GAS7: variants seen among roughly 807,000 people sequenced by gnomAD.
GAS7 encodes growth arrest-specific protein 7.
A neutral mutation model predicts 71.1 loss-of-function variants in GAS7; 28 were observed. That is an observed-to-expected ratio of 0.39 (90% confidence interval 0.29 to 0.54). The LOEUF is 0.54. Among genes scored for constraint, GAS7 ranks in the 20% least tolerant of loss-of-function variants. The probability of loss-of-function intolerance (pLI) is 0.62; values close to 1 mark genes in which losing one functional copy is unlikely to be tolerated. For synonymous variants in GAS7, 258 were observed against 245.8 expected, an observed-to-expected ratio of 1.05 and a Z score of -0.46; for missense variants, 436 against 627.8, an observed-to-expected ratio of 0.69 and a Z score of 3.27.
At chr17:10,147,054 G>A (rs1032861678) in intron 1 of GAS7, among the ~76,000 whole-genome samples, 6 of 152,032 alleles carry the variant, frequency 3.9e-5, no homozygotes, top group South Asian at 2.1e-4. Flanking sequence ...GTGGGCATTC[G>A]AAATTGAGAT....
At position 10,046,845 on chromosome 17, in the gene GAS7, GA is replaced by G. The variant is rs1555528661; in HGVS notation, c.184-26949del. ...GGAAGGAAGGAAGGAAGGAAGGAAG[GA>G]AAGAAAAGAAAAGAAAAAAGAAAAG... is the stretch of plus-strand genomic sequence containing the variant. On this transcript the variant is annotated intron_variant, in intron 1 of 13. Coordinates refer to ENST00000432992, the MANE Select transcript of GAS7 (RefSeq NM_201433.2). 3.2e-4 allele frequency among the ~76,000 whole-genome samples: 35 copies of G among 108,562 alleles called. 7 individuals are homozygous for G. The highest frequency in any genetic ancestry group is 1.1e-3 in the African/African-American group (26 of 23,404). The allele number at this position is 108,562 out of a possible 152,430, so 71.2% of individuals were successfully genotyped here.
At chr17:10,171,330 C>G (rs1487940051) in intron 1 of GAS7, among the ~76,000 whole-genome samples, 2 of 152,194 alleles carry the variant, frequency 1.3e-5, no homozygotes, top group African/African-American at 2.4e-5. Context: ...AGGGCTCTGA[C>G]AGCGAACCCA....
chr17:10,115,612 A>G (rs2073853805), intron 1 of GAS7, among the ~76,000 whole-genome samples: 1 of 151,428 alleles, frequency 6.6e-6, no homozygotes, highest in Non-Finnish European at 1.5e-5. Flanking sequence ...CCCTAGCATG[A>G]GGTGTCCATT....
chr17:10,059,126 A>G (rs2073187978), intron 1 of GAS7, among the ~76,000 whole-genome samples: 2 of 152,212 alleles, frequency 1.3e-5, no homozygotes, highest in South Asian at 4.1e-4. Flanking sequence ...CTGGTTTCCC[A>G]TCCCACTTTC....
At chr17:10,016,670 G>A (rs1447322964) in intron 2 of GAS7, among the ~76,000 whole-genome samples, 1 of 147,094 alleles carries the variant, frequency 6.8e-6, no homozygotes, top group Non-Finnish European at 1.5e-5. Flanking sequence ...TCCCAACACT[G>A]TGGAAGGTCA....
rs554370041 is a variant in GAS7 at position 10,062,409 on chromosome 17, C to T, written c.184-42512G>A. Among the ~76,000 whole-genome samples, 38 of 152,252 alleles carry T rather than the reference C, an allele frequency of 2.5e-4. 2 individuals are homozygous for T. The South Asian group carries it at 6.4e-3, about 26-fold the overall frequency. Reference sequence around the variant, plus strand: ...CTGAGACATGAGAATCACTTGAACCCGGGAGGTGGAGGTTGCAGTGAGCCG... The same window carrying T: ...CTGAGACATGAGAATCACTTGAACCTGGGAGGTGGAGGTTGCAGTGAGCCG... On this transcript the variant is annotated intron_variant, in intron 1 of 13. Coordinates refer to ENST00000432992, the MANE Select transcript of GAS7 (RefSeq NM_201433.2).
At chr17:10,023,965 A>T (rs2152211852) in intron 1 of GAS7, among the ~76,000 whole-genome samples, 1 of 152,132 alleles carries the variant, frequency 6.6e-6, no homozygotes, top group South Asian at 2.1e-4. Context: ...ATCTACTAAA[A>T]ATACAAAAAT....
In GAS7 at chr17:9,911,557, G is replaced by A; in HGVS notation, c.*5671C>T. The A allele has an allele frequency of 4.3e-6, 1 of 233,312 alleles. No individual in the cohort carries two copies. The allele number at this position is 233,312 out of a possible 1,614,324, so 14.5% of individuals were successfully genotyped here. A position where few individuals can be genotyped will look rare whatever the true frequency, so the allele number is the denominator to read the frequency against. On this transcript the variant is annotated 3_prime_UTR_variant, in exon 14 of 14. Transcript: ENST00000432992. The surrounding 1 kb of genome is among the most constrained non-coding windows in gnomAD (Gnocchi z 4.0). ...CATGCCCCAGCATTTAGAACGTGGGGAGAAGCGAATTGGTTTTTGCCCTCT... is the reference window on the plus strand; with the variant it reads ...CATGCCCCAGCATTTAGAACGTGGGAAGAAGCGAATTGGTTTTTGCCCTCT...
Position 9,974,851 on chromosome 17 carries a change from C to G in GAS7, c.386-5089G>C, listed in dbSNP as rs563229898. 4.7e-4 allele frequency among the ~76,000 whole-genome samples: 72 copies of G among 152,306 alleles called. No individual in the cohort carries two copies. Among genetic ancestry groups the G allele is most frequent in the African/African-American group, 1.7e-3 (70 of 41,574 alleles). On this transcript the variant is annotated intron_variant, in intron 3 of 13. Coordinates refer to ENST00000432992, the MANE Select transcript of GAS7 (RefSeq NM_201433.2). This position sits in a 1 kb window ranked among gnomAD's most constrained non-coding sequence, Gnocchi z 4.0. Reference sequence around the variant, plus strand: ...AGCTCCGCCACCCAGGGCTCACCCCCACCCACAGCTCGGCTTCCATATCTC... The same window carrying G: ...AGCTCCGCCACCCAGGGCTCACCCCGACCCACAGCTCGGCTTCCATATCTC...
Position 10,113,666 on chromosome 17 carries a change from A to T in GAS7, c.183+84542T>A, listed in dbSNP as rs547668363. ...TTCCCGACACACGGTTTCCTGGGTT[A>T]AGGAAAATAAAATGAAACATATTTG... On this transcript the variant is annotated intron_variant, in intron 1 of 13. Coordinates refer to ENST00000432992, the MANE Select transcript of GAS7 (RefSeq NM_201433.2). Among the ~76,000 whole-genome samples, 6 of 152,298 alleles carry T rather than the reference A, an allele frequency of 3.9e-5. No individual in the cohort carries two copies. In the East Asian group the frequency reaches 1.2e-3, roughly 29 times the overall value.
At position 9,926,728 on chromosome 17, in the gene GAS7, C is replaced by T. The variant is rs756717479; in HGVS notation, c.927G>A (p.Glu309=). 1 of 1,614,054 alleles carries T rather than the reference C, an allele frequency of 6.2e-7. No individual in the cohort carries two copies. Among genetic ancestry groups the T allele is most frequent in the South Asian group, 1.1e-5 (1 of 91,078 alleles). The change falls in exon 10 of 14, where the codon GAG becomes GAA. Residue 309 remains glutamate, a synonymous_variant. Transcript: ENST00000432992. This position sits in a 1 kb window ranked among gnomAD's most constrained non-coding sequence, Gnocchi z 5.0. ...EVEKPLMNFR[E]NFKKDMKKCD... Reference sequence around the variant, plus strand: ...ACTTCTTCATGTCTTTCTTGAAGTTCTCACGGAAGTTCATCAGGGGCTTCT... The same window carrying T: ...ACTTCTTCATGTCTTTCTTGAAGTTTTCACGGAAGTTCATCAGGGGCTTCT...
chr17:10,064,463 G>C (rs1199588545), intron 1 of GAS7, among the ~76,000 whole-genome samples: 1 of 152,194 alleles, frequency 6.6e-6, no homozygotes, highest in East Asian at 1.9e-4. Context: ...AGCCCTCGAG[G>C]TTTCCGGGAG....
At chr17:9,932,567 G>C (rs1414989657) in intron 9 of GAS7, among the ~76,000 whole-genome samples, 1 of 152,190 alleles carries the variant, frequency 6.6e-6, no homozygotes, top group African/African-American at 2.4e-5. Context: ...TTACTTCACT[G>C]AGAGATTTAG....
intron 1 of GAS7, among the ~76,000 whole-genome samples, chr17:10,173,037 T>C (rs751445535): frequency 6.6e-6 from 1 of 152,178 alleles, no homozygotes; most frequent in African/African-American, 2.4e-5. Context: ...ACTACGCAAA[T>C]GAACCCTGAA....
At chr17:10,057,484 C>T (rs1039960563) in intron 1 of GAS7, among the ~76,000 whole-genome samples, 1 of 151,922 alleles carries the variant, frequency 6.6e-6, no homozygotes, top group Non-Finnish European at 1.5e-5. Context: ...TACCCGGCCG[C>T]CCCATCTGAG....
chr17:9,995,853 G>A (rs1268986802), intron 2 of GAS7, among the ~76,000 whole-genome samples: 1 of 152,198 alleles, frequency 6.6e-6, no homozygotes, highest in African/African-American at 2.4e-5. Flanking sequence ...TGACCTAAAT[G>A]TTCACCAACA....
intron 1 of GAS7, among the ~76,000 whole-genome samples, chr17:10,155,156 A>G (rs2074196455): frequency 6.6e-6 from 1 of 151,962 alleles, no homozygotes; most frequent in African/African-American, 2.4e-5. Context: ...CTGGGATTAC[A>G]GGTGCGTACC....
chr17:9,911,915 T>C lies in GAS7; in HGVS notation c.*5313A>G. 1 of 232,050 alleles carries C rather than the reference T, an allele frequency of 4.3e-6. No homozygotes were observed. Among genetic ancestry groups the C allele is most frequent in the Non-Finnish European group, 8.5e-6 (1 of 117,344 alleles). 14.4% of individuals were successfully genotyped at this position (232,050 alleles called of 1,614,324 possible). ...CTCAGGGGTCACACTCAGCCTGGTC[T>C]GGCCTTAACTGGGTGTGGTCCTGTC... On this transcript the variant is annotated 3_prime_UTR_variant, in exon 14 of 14. Transcript: ENST00000432992. The surrounding 1 kb of genome is among the most constrained non-coding windows in gnomAD (Gnocchi z 4.0).
At chr17:10,166,017 T>C (rs58552792) in intron 1 of GAS7, among the ~76,000 whole-genome samples, 4,018 of 150,702 alleles carry the variant, frequency 0.027, 135 homozygotes, top group African/African-American at 0.077. Flanking sequence ...TTTTCTTTTT[T>C]TTTTTTTTCT....
Sources: allele counts gnomAD v4.1 joint callset (sites outside exome capture counted in the v4.1 genomes callset), GRCh38; gene constraint gnomAD v4.1.1; non-coding constraint Gnocchi (gnomAD v3.1); transcripts MANE v1.5; gene names NCBI Gene and HGNC (gene_info 2026-07-23, HGNC 2026-07-21).